The following CHCHD10 variants were observed in gnomAD, a reference collection of about 807,000 sequenced individuals.
CHCHD10 encodes the protein coiled-coil-helix-coiled-coil-helix domain-containing protein 10, mitochondrial.
Under a neutral mutation model 14.8 loss-of-function variants are expected in CHCHD10, and 10 were observed. That is an observed-to-expected ratio of 0.67 (90% CI 0.42 to 1.14). The LOEUF is 1.14. Among genes scored for constraint, CHCHD10 ranks in the 50% most tolerant of loss-of-function variants. CHCHD10 has a pLI of 0.00. For missense variants in CHCHD10, 203 were observed against 196.9 expected (o/e 1.03, Z -0.19); for synonymous variants, 90 against 85.2 (o/e 1.06, Z -0.31).
Position 23,767,906 on chromosome 22 carries a change from A to G in CHCHD10, c.-32T>C, listed in dbSNP as rs1352607617. 1.4e-5 allele frequency: 20 copies of G among 1,473,814 alleles called. No individual in the cohort carries two copies. Among genetic ancestry groups the G allele is most frequent in the Non-Finnish European group, 1.6e-5 (18 of 1,109,688 alleles). The allele number at this position is 1,473,814 out of a possible 1,614,324, so 91.3% of individuals were successfully genotyped here. ...GGCGGTGGGACCCGGGCGACCTTAG[A>G]GACGGCGGCAGCGGTGCTGTCGCGG... On this transcript the variant is annotated 5_prime_UTR_variant, in exon 1 of 4. Transcript: ENST00000484558.
rs761442567 is a variant in CHCHD10, at chr22:23,767,407, C to A, written c.228G>T (p.Gly76=). ...CAGCAGGCTGGGAGGGCTCCGAGCTCCCCCCGCTGAAGGCTCCGGTCAGGG... is the reference window on the plus strand; with the variant it reads ...CAGCAGGCTGGGAGGGCTCCGAGCTACCCCCGCTGAAGGCTCCGGTCAGGG... The part of the protein sequence containing the change: ...GSALTGAFSG[G]SSEPSQPAVQ... Residue 76 remains glycine, a synonymous_variant, in exon 2 of 4, where the codon GGG becomes GGT. Coordinates refer to ENST00000484558, the MANE Select transcript of CHCHD10 (RefSeq NM_213720.3). 1 of 1,607,618 alleles carries A rather than the reference C, an allele frequency of 6.2e-7. No individual in the cohort carries two copies. Among genetic ancestry groups the A allele is most frequent in the Non-Finnish European group, 8.5e-7 (1 of 1,178,510 alleles).
rs901115236 is a variant in CHCHD10, at chr22:23,767,531, G to T, written c.104C>A (p.Ala35Asp). ...CCCCGGCTGGCCCGAAGGGGCGGGG[G>T]CTGGGGCGGCTGCCGAGGGCGGTGG... ...AHPPPSAAAP[A>D]PAPSGQPGLM... is the part of the protein sequence containing the mutation. The change falls in exon 2 of 4, where the codon GCC becomes GAC. Residue 35 changes from alanine (A) to aspartate (D), a missense_variant. By Grantham distance (126) the Ala-to-Asp change is moderately radical. Coordinates refer to ENST00000484558, the MANE Select transcript of CHCHD10 (RefSeq NM_213720.3). 5.5e-6 allele frequency: 8 copies of T among 1,455,558 alleles called. No homozygotes were observed. The highest frequency in any genetic ancestry group is 2.9e-5 in the East Asian group (1 of 34,514). 90.2% of individuals were successfully genotyped at this position (1,455,558 alleles called of 1,614,324 possible).
rs763689530 is a variant in CHCHD10, at chr22:23,766,020, C to T, written c.416G>A (p.Ser139Asn). 1 of 1,613,704 alleles carries T rather than the reference C, an allele frequency of 6.2e-7. No individual in the cohort carries two copies. Among genetic ancestry groups the T allele is most frequent in the Non-Finnish European group, 8.5e-7 (1 of 1,179,864 alleles). ...LKQCKYYHGLSSLP is the reference protein window; with the variant it reads ...LKQCKYYHGLNSLP Reference sequence around the variant, plus strand: ...GCACCGACCTCTTCAGGGCAGGGAGCTCAGACCTGGGAAGGGAGGGGCAGC... The same window carrying T: ...GCACCGACCTCTTCAGGGCAGGGAGTTCAGACCTGGGAAGGGAGGGGCAGC... Residue 139 changes from serine to asparagine, a missense_variant, in exon 4 of 4, where the codon AGC becomes AAC. Ser to Asn is a conservative substitution (Grantham distance 46). Transcript: ENST00000484558.
chr22:23,766,455 T>A, intron 2 of CHCHD10, 180 bp from the exon 3 acceptor site: 3 of 390,792 alleles, frequency 7.7e-6, no homozygotes, highest in Non-Finnish European at 1.4e-5. Context: ...TGCTGCCTTT[T>A]TTTTTTTTTT....
Position 23,765,845 on chromosome 22 carries a change from A to C in CHCHD10, c.*162T>G. The C allele has an allele frequency of 6.5e-7, 1 of 1,532,032 alleles. No individual in the cohort carries two copies. The highest frequency in any genetic ancestry group is 8.9e-7 in the Non-Finnish European group (1 of 1,128,182). The allele number at this position is 1,532,032 out of a possible 1,614,324, so 94.9% of individuals were successfully genotyped here. On this transcript the variant is annotated 3_prime_UTR_variant, in exon 4 of 4. Transcript: ENST00000484558. Reference sequence around the variant, plus strand: ...GGCACACAACAGGCTGTGGTCTAAAATAAACTTTTAATTGCACATTTGTGT... The same window carrying C: ...GGCACACAACAGGCTGTGGTCTAAACTAAACTTTTAATTGCACATTTGTGT...
rs771132146 is a variant in CHCHD10 at position 23,766,149 on chromosome 22, T to G, written c.388A>C (p.Lys130Gln). The G allele has an allele frequency of 1.9e-6, 3 of 1,613,604 alleles. No homozygotes were observed. The highest frequency in any genetic ancestry group is 2.5e-6 in the Non-Finnish European group (3 of 1,179,840). ...TCACCATGGTAGTACTTGCACTGCT[T>G]CAGGGCCTCGCTGAAGCCCTCACAC... ...SLCEGFSEAL[K>Q]QCKYYHGLSS... The change falls in exon 3 of 4, where the codon AAG becomes CAG. Residue 130 changes from lysine to glutamine, a missense_variant. Physicochemically the swap from Lys to Gln is moderately conservative, Grantham distance 53. Coordinates refer to ENST00000484558, the MANE Select transcript of CHCHD10 (RefSeq NM_213720.3).
chr22:23,766,609 T>C (rs1294283607), intron 2 of CHCHD10: 2 of 289,746 alleles, frequency 6.9e-6, no homozygotes, highest in East Asian at 7.4e-5. Context: ...CCCGCCACCA[T>C]GCCCAACAAA....
intron 2 of CHCHD10, among the ~76,000 whole-genome samples, chr22:23,766,774 T>C (rs1926861910): frequency 1.3e-5 from 2 of 152,150 alleles, no homozygotes; most frequent in African/African-American, 2.4e-5. Flanking sequence ...TAATGGGCAC[T>C]TTGGGCGGGT....
intron 2 of CHCHD10, among the ~76,000 whole-genome samples, chr22:23,766,704 G>C (rs1419722757): frequency 1.3e-5 from 2 of 152,110 alleles, no homozygotes; most frequent in East Asian, 3.9e-4. Flanking sequence ...CACCCGCCTT[G>C]GCCTCCCAAA....
At chr22:23,766,919 C>T (rs1404287564) in intron 2 of CHCHD10, among the ~76,000 whole-genome samples, 1 of 152,232 alleles carries the variant, frequency 6.6e-6, no homozygotes, top group Non-Finnish European at 1.5e-5. Context: ...GACCTAGCCA[C>T]AAAGCCACAT....
Position 23,766,177 on chromosome 22 carries a change from G to A in CHCHD10, c.360C>T (p.Ser120=), listed in dbSNP as rs187396358. The A allele has an allele frequency of 6.2e-7, 1 of 1,613,016 alleles. No individual in the cohort carries two copies. The highest frequency in any genetic ancestry group is 8.5e-7 in the Non-Finnish European group (1 of 1,179,568). ...GGGCCTCGCTGAAGCCCTCACACAG[G>A]GACAGGTCACTCTGAGTGGTGGAAC... ...LDCSTTQSDL[S]LCEGFSEALK... Residue 120 remains serine (S), a synonymous_variant, in exon 3 of 4, where the codon TCC becomes TCT. Coordinates refer to ENST00000484558, the MANE Select transcript of CHCHD10 (RefSeq NM_213720.3).
rs199579266 is a variant in CHCHD10, at chr22:23,766,159, G to A, written c.378C>T (p.Ser126=). ...AGTACTTGCACTGCTTCAGGGCCTC[G>A]CTGAAGCCCTCACACAGGGACAGGT... ...QSDLSLCEGF[S]EALKQCKYYH... is the part of the protein sequence containing the mutation. The change falls in exon 3 of 4, where the codon AGC becomes AGT. Residue 126 remains serine (S), a synonymous_variant. Transcript: ENST00000484558. 2.9e-4 allele frequency: 462 copies of A among 1,613,280 alleles called. No homozygotes were observed. Among genetic ancestry groups the A allele is most frequent in the Non-Finnish European group, 3.6e-4 (429 of 1,179,752 alleles).
chr22:23,767,346 C>A, intron 2 of CHCHD10, 28 bp downstream of exon 2: 3 of 1,586,978 alleles, frequency 1.9e-6, no homozygotes, highest in Non-Finnish European at 1.7e-6. Context: ...ATAATCCTGC[C>A]TCAGTTTCTC....
rs1308282260 is a variant in CHCHD10 at position 23,767,481 on chromosome 22, C to A, written c.154G>T (p.Ala52Ser). The A allele has an allele frequency of 6.3e-7, 1 of 1,580,968 alleles. No individual in the cohort carries two copies. The highest frequency in any genetic ancestry group is 2.4e-5 in the East Asian group (1 of 42,462). ...GCCGAGCCCACGGCTACCCCTGCGG[C>A]CGTGGTCGCCATCTGAGCCATGAGC... ...PGLMAQMATT[A>S]AGVAVGSAVG... The change falls in exon 2 of 4, where the codon GCC (alanine) becomes TCC (serine). Residue 52 changes from alanine (A) to serine (S), a missense_variant. By Grantham distance (99) the Ala-to-Ser change is moderately conservative. Transcript: ENST00000484558.
At position 23,767,826 on chromosome 22, in the gene CHCHD10, C is replaced by A; in HGVS notation, c.41+8G>T. 1 of 1,541,786 alleles carries A rather than the reference C, an allele frequency of 6.5e-7. No homozygotes were observed. Among genetic ancestry groups the A allele is most frequent in the Non-Finnish European group, 8.7e-7 (1 of 1,145,818 alleles). On this transcript the variant is annotated splice_region_variant and intron_variant, in intron 1 of 3. Transcript: ENST00000484558. ...CCCCTCCCCACAGGGCCCTTGTCCC[C>A]CTCACACCTGGCTGGCCGGGAGGCC... is the stretch of plus-strand genomic sequence containing the variant.
In CHCHD10 at chr22:23,766,245, G is replaced by T. The variant is rs1926794586; in HGVS notation, c.292C>A (p.Gln98Lys). 1 of 1,559,404 alleles carries T rather than the reference G, an allele frequency of 6.4e-7. No homozygotes were observed. The highest frequency in any genetic ancestry group is 1.2e-5 in the South Asian group (1 of 85,114). ...ATCTCGTAGGCGCAGGGCCCCATCT[G>T]CAGGGGCTGGGGGGCAGCGGGGGTG... is the stretch of plus-strand genomic sequence containing the variant. ...APTPAAPQPL[Q>K]MGPCAYEIRQ... The change falls in exon 3 of 4, where the codon CAG becomes AAG. Residue 98 changes from glutamine to lysine, a missense_variant. Gln to Lys is a moderately conservative substitution (Grantham distance 53). Transcript: ENST00000484558.
intron 2 of CHCHD10, among the ~76,000 whole-genome samples, chr22:23,766,921 A>G (rs1055304733): frequency 6.6e-6 from 1 of 152,220 alleles, no homozygotes; most frequent in African/African-American, 2.4e-5. Flanking sequence ...CCTAGCCACA[A>G]AGCCACATTT....
At chr22:23,767,166 T>G (rs1318647289) in intron 2 of CHCHD10, among the ~76,000 whole-genome samples, 4 of 152,132 alleles carry the variant, frequency 2.6e-5, no homozygotes, top group Admixed American at 6.5e-5. Flanking sequence ...CCTGGGAGCT[T>G]AGGGACCCTG....
rs772927642 is a variant in CHCHD10, at chr22:23,767,482, C to G, written c.153G>C (p.Thr51=). ...QPGLMAQMAT[T]AAGVAVGSAV... Reference sequence around the variant, plus strand: ...CCGAGCCCACGGCTACCCCTGCGGCCGTGGTCGCCATCTGAGCCATGAGCC... The same window carrying G: ...CCGAGCCCACGGCTACCCCTGCGGCGGTGGTCGCCATCTGAGCCATGAGCC... Residue 51 remains threonine, a synonymous_variant, in exon 2 of 4, where the codon ACG becomes ACC. Transcript: ENST00000484558. 1 of 1,569,858 alleles carries G rather than the reference C, an allele frequency of 6.4e-7. No individual in the cohort carries two copies. The highest frequency in any genetic ancestry group is 8.6e-7 in the Non-Finnish European group (1 of 1,159,246).
Sources: allele counts gnomAD v4.1 joint callset (sites outside exome capture counted in the v4.1 genomes callset), GRCh38; gene constraint gnomAD v4.1.1; transcripts MANE v1.5; gene names NCBI Gene and HGNC (gene_info 2026-07-23, HGNC 2026-07-21).